TTC19: variants seen among roughly 807,000 people sequenced by gnomAD.
TTC19 encodes tetratricopeptide repeat protein 19, mitochondrial.
A neutral mutation model predicts 49.5 loss-of-function variants in TTC19; 38 were observed. The observed-to-expected ratio is 0.77, with a 90% CI of 0.59 to 1.01. The LOEUF (loss-of-function observed/expected upper bound fraction) is 1.01, where lower values mean the gene tolerates loss of function less well. Among genes scored for constraint, TTC19 ranks in the 50% least tolerant of loss-of-function variants. The probability of loss-of-function intolerance (pLI) is 0.00; values close to 1 mark genes in which losing one functional copy is unlikely to be tolerated. For missense variants in TTC19, 475 were observed against 477.7 expected, an observed-to-expected ratio of 0.99 and a Z score of 0.05; for synonymous variants, 204 against 185.2, an observed-to-expected ratio of 1.10 and a Z score of -0.83.
chr17:16,009,616 C>G (rs1294056807), intron 7 of TTC19, among the ~76,000 whole-genome samples: 1 of 152,022 alleles, frequency 6.6e-6, no homozygotes, highest in Non-Finnish European at 1.5e-5. Flanking sequence ...CATGATTCTT[C>G]ATCTTATTTT....
chr17:16,035,051 T>G, intron 2 of TTC19: 2 of 1,046,428 alleles, frequency 1.9e-6, no homozygotes, highest in South Asian at 3.2e-5. Context: ...AATGGTAACA[T>G]GAAGAATCCA....
intron 7 of TTC19, among the ~76,000 whole-genome samples, chr17:16,020,648 T>C (rs1597464182): frequency 6.6e-6 from 1 of 152,246 alleles, no homozygotes; most frequent in East Asian, 1.9e-4. Context: ...CCCTATTTAA[T>C]TCAGTACTTT....
At chr17:16,044,634 CCG>C in exon 3 of TTC19, 2 of 624,746 alleles carry the variant, frequency 3.2e-6, no homozygotes, top group Non-Finnish European at 6.2e-6. Context: ...TCCTCTGTCT[CCG>C]AGCTCGCCTG....
At chr17:16,030,361 T>C (rs1329840433), downstream of TTC19, 3 of 217,522 alleles carry the variant, frequency 1.4e-5, no homozygotes, top group Non-Finnish European at 1.9e-5. Flanking sequence ...CCCGTGTTGT[T>C]CAAGGGTCAA....
At chr17:16,026,469 G>C in intron 8 of TTC19, 71 bp from the exon 9 acceptor site, 1 of 1,389,738 alleles carries the variant, frequency 7.2e-7, no homozygotes, top group South Asian at 1.2e-5. Context: ...TTCAGAGTTG[G>C]ATGCACTCCA....
downstream of TTC19, among the ~76,000 whole-genome samples, chr17:16,033,797 C>T (rs1194955121): frequency 6.6e-6 from 1 of 152,012 alleles, no homozygotes; most frequent in African/African-American, 2.4e-5. Flanking sequence ...AACGTACAGA[C>T]AGATGATGGC....
chr17:16,000,258 C>T lies in TTC19; in HGVS notation c.312+13C>T, dbSNP rs1224680987. On this transcript the variant is annotated intron_variant, in intron 2 of 9. Transcript: ENST00000261647. The stretch of plus-strand genomic sequence containing the variant: ...GAAGCGAGCCAAGGTGAGGCGGCTC[C>T]GGGCCCTGCGCCCGGCCGAGCGCGG... 7 of 1,593,454 alleles carry T rather than the reference C, an allele frequency of 4.4e-6. No homozygotes were observed. Among genetic ancestry groups the T allele is most frequent in the African/African-American group, 1.3e-5 (1 of 74,786 alleles).
intron 2 of TTC19, among the ~76,000 whole-genome samples, chr17:16,035,398 G>A (rs1353321183): frequency 6.6e-6 from 1 of 151,950 alleles, no homozygotes; most frequent in Admixed American, 6.6e-5. Context: ...GCATCTTCAG[G>A]GGCAGATTCA....
At chr17:16,039,490 A>AGGT in intron 2 of TTC19, 2 of 1,614,020 alleles carry the variant, frequency 1.2e-6, no homozygotes, top group Non-Finnish European at 1.7e-6. Flanking sequence ...GTCACAACTG[A>AGGT]GGTGTTGGCA....
At chr17:16,031,902 T>C (rs1972075131), downstream of TTC19, 6 of 238,302 alleles carry the variant, frequency 2.5e-5, no homozygotes, top group Middle Eastern at 1.2e-3. Context: ...GTTGATGCGC[T>C]GATTTGAACA....
At chr17:16,015,343 A>G (rs1971183878) in intron 7 of TTC19, among the ~76,000 whole-genome samples, 1 of 152,134 alleles carries the variant, frequency 6.6e-6, no homozygotes, top group South Asian at 2.1e-4. Context: ...ACATTAATAA[A>G]TATCTATTGA....
At position 16,004,203 on chromosome 17, in the gene TTC19, G is replaced by C. The variant is rs768915121; in HGVS notation, c.522G>C (p.Glu174Asp). 1 of 1,614,080 alleles carries C rather than the reference G, an allele frequency of 6.2e-7. No individual in the cohort carries two copies. The highest frequency in any genetic ancestry group is 8.5e-7 in the Non-Finnish European group (1 of 1,179,934). ...CCTTCATTCTCTTTCTCTCACAGGA[G>C]GACAATGCAATAATTGAAATTTCCC... ...SYLLGGGMKQEDNAIIEISLK... is the reference protein window; with the variant it reads ...SYLLGGGMKQDDNAIIEISLK... The change falls in exon 6 of 10, where the codon GAG becomes GAC. Residue 174 changes from glutamate to aspartate, a missense_variant and splice_region_variant. Coordinates refer to ENST00000261647, the MANE Select transcript of TTC19 (RefSeq NM_017775.4).
chr17:16,025,181 GA>G lies in TTC19; in HGVS notation c.831+14del, dbSNP rs1971509553. 6.2e-7 allele frequency: 1 copy of G among 1,612,196 alleles called. No individual in the cohort carries two copies. Among genetic ancestry groups the G allele is most frequent in the East Asian group, 2.2e-5 (1 of 44,884 alleles). ...AGAAAGACACCCACAGGTAAGGGAG[GA>G]AAACACAGAAGGGGGAATATAAAAC... On this transcript the variant is annotated intron_variant, in intron 8 of 9. Transcript: ENST00000261647.
At chr17:16,007,412 T>C (rs1006559940) in intron 7 of TTC19, among the ~76,000 whole-genome samples, 3 of 151,868 alleles carry the variant, frequency 2.0e-5, no homozygotes, top group Non-Finnish European at 2.9e-5. Flanking sequence ...TTCATTCTTA[T>C]TGTAGATCTT....
chr17:16,018,100 T>TA (rs747397225), intron 7 of TTC19, among the ~76,000 whole-genome samples: 7 of 152,240 alleles, frequency 4.6e-5, no homozygotes, highest in Non-Finnish European at 8.8e-5. Flanking sequence ...ATTTTAGACT[T>TA]AGTGGAATTT....
At chr17:16,019,293 A>G (rs1971301265) in intron 7 of TTC19, among the ~76,000 whole-genome samples, 1 of 152,210 alleles carries the variant, frequency 6.6e-6, no homozygotes, top group Non-Finnish European at 1.5e-5. Flanking sequence ...AGATCGTGCC[A>G]CTGCACTCCA....
At position 16,039,531 on chromosome 17, in the gene TTC19, A is replaced by G. The variant is rs766789395; in HGVS notation, c.248-4972A>G. 6.9e-5 allele frequency: 111 copies of G among 1,614,188 alleles called. No individual in the cohort carries two copies. The highest frequency in any genetic ancestry group is 2.3e-4 in the Admixed American group (14 of 60,030). On this transcript the variant is annotated intron_variant, in intron 2 of 2. Coordinates refer to the TTC19 transcript ENST00000470649. ...AGGCACTACTCCCATAGGCTGGGAC[A>G]TGACAACTCCATGATCCTCAACTTT...
intron 9 of TTC19, 88 bp from the exon 10 acceptor site, chr17:16,027,286 C>T (rs1567588278): frequency 6.7e-7 from 1 of 1,486,054 alleles, no homozygotes; most frequent in Non-Finnish European, 9.3e-7. Flanking sequence ...GTAAATTAGC[C>T]CTATATCTGC....
At chr17:16,025,469 G>T (rs1971522647) in intron 8 of TTC19, among the ~76,000 whole-genome samples, 1 of 152,216 alleles carries the variant, frequency 6.6e-6, no homozygotes, top group African/African-American at 2.4e-5. Flanking sequence ...ACACAGCACA[G>T]TATTTCAGAG....
Sources: gnomAD v4.1 joint callset for allele counts (sites outside exome capture counted in the v4.1 genomes callset) on GRCh38, gnomAD v4.1.1 for gene constraint, MANE v1.5 for transcripts, NCBI Gene and HGNC (gene_info 2026-07-23, HGNC 2026-07-21) for gene names.